TRAPPC9: variants seen among roughly 807,000 people sequenced by gnomAD.
TRAPPC9 encodes IKK2 binding protein.
In TRAPPC9, 83 loss-of-function variants were observed where a neutral mutation model predicts 124.0. The ratio of observed to expected loss-of-function variants is 0.67; its 90% CI spans 0.56 to 0.80. The LOEUF (loss-of-function observed/expected upper bound fraction) is 0.80, where lower values mean the gene tolerates loss of function less well. Ranked by LOEUF, TRAPPC9 falls within the 30% of genes least tolerant of loss-of-function variation. The probability of loss-of-function intolerance (pLI) is 0.00; values close to 1 mark genes in which losing one functional copy is unlikely to be tolerated. For synonymous variants in TRAPPC9, 638 were observed against 617.5 expected, an observed-to-expected ratio of 1.03 and a Z score of -0.49; for missense variants, 1,302 against 1,508.3, an observed-to-expected ratio of 0.86 and a Z score of 2.27.
chr8:140,122,023 T>TTCTTTCTTTCTCTCTC (rs776733761), intron 17 of TRAPPC9, among the ~76,000 whole-genome samples: 2 of 138,438 alleles, frequency 1.4e-5, no homozygotes, highest in African/African-American at 5.4e-5. Flanking sequence ...CTTTCTTTCT[T>TTCTTTCTTTCTCTCTC]TCTCTCTCTC....
At chr8:140,191,809 C>T (rs1368523338) in intron 17 of TRAPPC9, among the ~76,000 whole-genome samples, 2 of 152,142 alleles carry the variant, frequency 1.3e-5, no homozygotes, top group Non-Finnish European at 2.9e-5. Flanking sequence ...ATGCTGTCCA[C>T]GAAAAGGCAG....
intron 17 of TRAPPC9, among the ~76,000 whole-genome samples, chr8:140,217,980 G>A (rs1039019621): frequency 1.2e-4 from 18 of 151,538 alleles, no homozygotes; most frequent in Admixed American, 1.2e-3. Flanking sequence ...TCGCGCCACT[G>A]CACTCCAGCC....
intron 17 of TRAPPC9, among the ~76,000 whole-genome samples, chr8:140,152,064 T>C (rs972292214): frequency 6.6e-6 from 1 of 152,136 alleles, no homozygotes; most frequent in African/African-American, 2.4e-5. Context: ...TTGGGCTGGT[T>C]ATTTCCCATT....
chr8:140,414,683 T>C (rs879805123), intron 5 of TRAPPC9, among the ~76,000 whole-genome samples: 13 of 152,132 alleles, frequency 8.5e-5, no homozygotes, highest in Non-Finnish European at 1.3e-4. Context: ...GGAAATTAAA[T>C]AGCACACAGC....
intron 17 of TRAPPC9, among the ~76,000 whole-genome samples, chr8:140,060,409 G>A (rs537589608): frequency 9.2e-5 from 14 of 152,344 alleles, no homozygotes; most frequent in Middle Eastern, 6.8e-3. Context: ...ACCCCCAGAA[G>A]ACTCTGGAGC....
At chr8:139,858,173 C>T (rs1827915422) in intron 21 of TRAPPC9, among the ~76,000 whole-genome samples, 1 of 152,244 alleles carries the variant, frequency 6.6e-6, no homozygotes, top group Non-Finnish European at 1.5e-5. Context: ...TAATAAAATT[C>T]AGGTTCCCTT....
intron 19 of TRAPPC9, among the ~76,000 whole-genome samples, chr8:139,918,298 T>C (rs1360085349): frequency 6.6e-6 from 1 of 152,228 alleles, no homozygotes; most frequent in Non-Finnish European, 1.5e-5. Context: ...AGAGGGATGG[T>C]GTGCTCTGAG....
chr8:140,362,534 A>C (rs1448513579), intron 8 of TRAPPC9, among the ~76,000 whole-genome samples: 1 of 152,158 alleles, frequency 6.6e-6, no homozygotes, highest in East Asian at 1.9e-4. Context: ...TTAAAAAAAA[A>C]TAAAAATAAA....
intron 7 of TRAPPC9, 120 bp from the exon 8 acceptor site, chr8:140,371,300 G>A: frequency 9.0e-7 from 1 of 1,117,164 alleles, no homozygotes; most frequent in Non-Finnish European, 1.3e-6. Flanking sequence ...GAGAATCAAG[G>A]AGAGGGAAAG....
intron 21 of TRAPPC9, among the ~76,000 whole-genome samples, chr8:139,814,469 G>A (rs968551986): frequency 2.0e-5 from 3 of 152,122 alleles, no homozygotes; most frequent in South Asian, 2.1e-4. Flanking sequence ...AAAGGACCCC[G>A]GGGCCCCTGA....
At chr8:140,402,240 T>C (rs553057177) in intron 6 of TRAPPC9, among the ~76,000 whole-genome samples, 2 of 151,034 alleles carry the variant, frequency 1.3e-5, no homozygotes, top group South Asian at 2.1e-4. Context: ...TGCGGTGGGA[T>C]GCACCTGTAG....
chr8:139,933,619 C>T (rs1207246114), intron 19 of TRAPPC9: 1 of 152,280 alleles, frequency 6.6e-6, no homozygotes, highest in Non-Finnish European at 1.5e-5. Flanking sequence ...GGTCTTGCCT[C>T]CCTGAGGACC....
intron 9 of TRAPPC9, among the ~76,000 whole-genome samples, chr8:140,328,056 A>C (rs1017364560): frequency 6.6e-6 from 1 of 152,116 alleles, no homozygotes; most frequent in African/African-American, 2.4e-5. Flanking sequence ...AGAGTTTGAG[A>C]CCAGCCTGGC....
At chr8:140,299,507 C>T (rs2065905382) in intron 11 of TRAPPC9, among the ~76,000 whole-genome samples, 1 of 152,258 alleles carries the variant, frequency 6.6e-6, no homozygotes, top group Non-Finnish European at 1.5e-5. Context: ...ACACAGAGCG[C>T]CGCGGTTGCG....
intron 6 of TRAPPC9, 49 bp downstream of exon 6, chr8:140,405,528 G>A (rs1006117344): frequency 1.9e-6 from 3 of 1,606,890 alleles, no homozygotes; most frequent in Non-Finnish European, 2.6e-6. Context: ...GGAAACTTCT[G>A]ATTAAACAAC....
chr8:139,827,051 A>G (rs1033847002), intron 21 of TRAPPC9, among the ~76,000 whole-genome samples: 7 of 152,254 alleles, frequency 4.6e-5, no homozygotes, highest in Non-Finnish European at 1.0e-4. Context: ...GAGCTAACAC[A>G]GAACATAGCC....
chr8:140,316,646 A>G (rs911247960), intron 9 of TRAPPC9, among the ~76,000 whole-genome samples: 4 of 152,182 alleles, frequency 2.6e-5, no homozygotes, highest in African/African-American at 9.7e-5. Flanking sequence ...TTTGTTTGCC[A>G]GTATTTTGTG....
intron 22 of TRAPPC9, among the ~76,000 whole-genome samples, chr8:139,731,549 G>C (rs1022960578): frequency 4.6e-5 from 7 of 152,184 alleles, no homozygotes; most frequent in African/African-American, 1.7e-4. Context: ...GCTGGGGCCT[G>C]ACAGTGAGGT....
At chr8:140,372,272 T>G (rs1279251468) in intron 7 of TRAPPC9, among the ~76,000 whole-genome samples, 2 of 152,172 alleles carry the variant, frequency 1.3e-5, no homozygotes, top group Non-Finnish European at 2.9e-5. Flanking sequence ...AGCGCTTCTC[T>G]CCCTCCTCTG....
Sources: gnomAD v4.1 joint callset for allele counts (sites outside exome capture counted in the v4.1 genomes callset) on GRCh38, gnomAD v4.1.1 for gene constraint, MANE v1.5 for transcripts, NCBI Gene and HGNC (gene_info 2026-07-23, HGNC 2026-07-21) for gene names.